The following NOP14 variants were observed in gnomAD, a reference collection of about 807,000 sequenced individuals.
The protein encoded by NOP14 is NOP14 nucleolar protein.
NOP14 carries 57 observed loss-of-function variants against 101.6 expected under a neutral mutation model. The observed-to-expected ratio is 0.56, with a 90% CI of 0.45 to 0.70. The LOEUF (loss-of-function observed/expected upper bound fraction) is 0.70, where lower values mean the gene tolerates loss of function less well. Ranked by LOEUF, NOP14 falls within the 30% of genes least tolerant of loss-of-function variation. NOP14 has a pLI of 0.00. For missense variants in NOP14, 1,134 were observed against 1,075.5 expected, an observed-to-expected ratio of 1.05 and a Z score of -0.76; for synonymous variants, 428 against 424.0, an observed-to-expected ratio of 1.01 and a Z score of -0.12.
At chr4:2,942,474 G>C in intron 13 of NOP14, 123 bp from the exon 14 acceptor site, 1 of 1,052,004 alleles carries the variant, frequency 9.5e-7, no homozygotes, top group Non-Finnish European at 1.4e-6. Context: ...TTATGTTTCT[G>C]GGTTGTGCCA....
chr4:2,943,827 G>A (rs1577825440), intron 13 of NOP14, among the ~76,000 whole-genome samples: 1 of 152,216 alleles, frequency 6.6e-6, no homozygotes, highest in Admixed American at 6.5e-5. Flanking sequence ...GTCACAGGTA[G>A]GGTACGTCTC....
chr4:2,955,447 G>C (rs1486953957), intron 3 of NOP14, among the ~76,000 whole-genome samples: 1 of 113,644 alleles, frequency 8.8e-6, no homozygotes, highest in Non-Finnish European at 1.8e-5. Flanking sequence ...CTAGTCACCT[G>C]CACCACAGCG....
intron 1 of NOP14, among the ~76,000 whole-genome samples, chr4:2,960,388 T>A (rs1715648805): frequency 6.6e-6 from 1 of 152,166 alleles, no homozygotes. Flanking sequence ...AAAATATTAG[T>A]TCTCATTATC....
At chr4:2,959,048 A>C (rs1215060277) in intron 1 of NOP14, among the ~76,000 whole-genome samples, 4 of 152,066 alleles carry the variant, frequency 2.6e-5, no homozygotes, top group Non-Finnish European at 5.9e-5. Flanking sequence ...ATGTGAAAAA[A>C]CCATTTCTCT....
Position 2,956,092 on chromosome 4 carries a change from G to A in NOP14, c.472+578C>T, listed in dbSNP as rs558084158. ...AATAGGGTTCAAGACAGTCAGACCC[G>A]AACTGAATCTTAAACTCTGTTAACA... is the stretch of plus-strand genomic sequence containing the variant. On this transcript the variant is annotated intron_variant, in intron 3 of 17. Transcript: ENST00000416614. Among the ~76,000 whole-genome samples the A allele has an allele frequency of 5.9e-5, 9 of 152,308 alleles. No homozygotes were observed. The East Asian group carries it at 9.6e-4, about 16-fold the overall frequency.
At chr4:2,942,011 G>A in intron 14 of NOP14, 181 bp downstream of exon 14, 1 of 656,542 alleles carries the variant, frequency 1.5e-6, no homozygotes, top group South Asian at 2.1e-5. Flanking sequence ...AATGTATTTT[G>A]AAAATGAAAA....
Position 2,939,590 on chromosome 4 carries a change from G to A in NOP14, c.2255C>T (p.Pro752Leu), listed in dbSNP as rs13106867. 8,807 of 1,613,932 alleles carry A rather than the reference G, an allele frequency of 5.5e-3. 50 individuals carry two copies. Among genetic ancestry groups the A allele is most frequent in the Middle Eastern group, 0.018 (111 of 6,062 alleles). ...EMESQKQLCR[P>L]LTCEKSKPVP... ...AGGCTTGCTCTTCTCACAGGTCAGC[G>A]GCCGGCAGAGCTGCTTCTGGCTTTC... The change falls in exon 16 of 18, where the codon CCG becomes CTG. Residue 752 changes from proline (P) to leucine (L), a missense_variant. Coordinates refer to ENST00000416614, the MANE Select transcript of NOP14 (RefSeq NM_001291978.2).
Position 2,947,552 on chromosome 4 carries a change from G to A in NOP14, c.1473C>T (p.Asp491=), listed in dbSNP as rs767697259. 3.1e-6 allele frequency: 5 copies of A among 1,613,710 alleles called. No individual in the cohort carries two copies. The African/African-American group carries it at 6.7e-5, about 22-fold the overall frequency. ...VGDLATDDPP[D]LTVIDKLVVH... ...CAACCAACTTATCAATGACTGTGAG[G>A]TCTGGTGGGTCATCTGTAGCCAAAT... Residue 491 remains aspartate, a synonymous_variant, in exon 10 of 18, where the codon GAC becomes GAT. Coordinates refer to ENST00000416614, the MANE Select transcript of NOP14 (RefSeq NM_001291978.2).
intron 10 of NOP14, chr4:2,947,126 C>T: frequency 7.6e-6 from 2 of 264,784 alleles, no homozygotes; most frequent in South Asian, 9.5e-5. Context: ...AAGAGGTACA[C>T]ACTCCCTGGC....
chr4:2,947,591 C>T lies in NOP14; in HGVS notation c.1434G>A (p.Leu478=). ...CTGTAGCCAAATCGCCAACGTATTCCAAAAGAAAGCCAAACAGTTTCTGCA... is the reference window on the plus strand; with the variant it reads ...CTGTAGCCAAATCGCCAACGTATTCTAAAAGAAAGCCAAACAGTTTCTGCA... ...AKLEKLFGFL[L]EYVGDLATDD... is the part of the protein sequence containing the mutation. The change falls in exon 10 of 18, where the codon TTG becomes TTA. Residue 478 remains leucine, a synonymous_variant. Transcript: ENST00000416614. 1 of 1,613,926 alleles carries T rather than the reference C, an allele frequency of 6.2e-7. No homozygotes were observed. Among genetic ancestry groups the T allele is most frequent in the Non-Finnish European group, 8.5e-7 (1 of 1,179,884 alleles).
rs1714939512 is a variant in NOP14, at chr4:2,950,322, C to T, written c.1003-109G>A. The T allele has an allele frequency of 2.9e-5, 34 of 1,177,214 alleles. No homozygotes were observed. In the South Asian group the frequency reaches 4.3e-4, roughly 15 times the overall value. The allele number at this position is 1,177,214 out of a possible 1,614,324, so 72.9% of individuals were successfully genotyped here. On this transcript the variant is annotated intron_variant, in intron 7 of 17. Transcript: ENST00000416614. ...CACATCAGGGCTTTCTACGTGGTTG[C>T]AAGGAACACAAACCTGTGTGCTCCA...
intron 3 of NOP14, among the ~76,000 whole-genome samples, chr4:2,955,495 A>G (rs1715292505): frequency 2.3e-5 from 3 of 131,702 alleles, no homozygotes; most frequent in Non-Finnish European, 4.8e-5. Flanking sequence ...CGCCCCCTCT[A>G]GTCACCTGCA....
intron 3 of NOP14, among the ~76,000 whole-genome samples, chr4:2,955,291 G>A (rs1411366617): frequency 1.2e-4 from 6 of 51,800 alleles, no homozygotes; most frequent in Non-Finnish European, 1.8e-4. Context: ...GCACCACAGC[G>A]CCCCCTCTAG....
At position 2,944,161 on chromosome 4, in the gene NOP14, A is replaced by T; in HGVS notation, c.1803T>A (p.Tyr601Ter). ...GLFVCCLFLE[Y>*]VALSQRFIPE... ...GTATAAACCTCTGGGACAAAGCCACATACTCCAGGAACAGGCAGCACACGA... is the reference window on the plus strand; with the variant it reads ...GTATAAACCTCTGGGACAAAGCCACTTACTCCAGGAACAGGCAGCACACGA... The change falls in exon 13 of 18, where the codon TAT (tyrosine) becomes TAA (stop). Residue 601 changes from tyrosine (Y) to a stop codon, truncating the protein, a stop_gained. Transcript: ENST00000416614. LOFTEE classifies it high-confidence loss of function. 1 of 1,614,078 alleles carries T rather than the reference A, an allele frequency of 6.2e-7. No homozygotes were observed. The highest frequency in any genetic ancestry group is 8.5e-7 in the Non-Finnish European group (1 of 1,179,934).
intron 8 of NOP14, among the ~76,000 whole-genome samples, chr4:2,949,063 C>CT (rs1714845091): frequency 6.6e-6 from 1 of 152,224 alleles, no homozygotes; most frequent in African/African-American, 2.4e-5. Context: ...GAAGGAGCCA[C>CT]TGTGAGCCAA....
At chr4:2,943,145 G>A (rs543100260) in intron 13 of NOP14, among the ~76,000 whole-genome samples, 4 of 152,240 alleles carry the variant, frequency 2.6e-5, no homozygotes, top group African/African-American at 7.2e-5. Flanking sequence ...GCCCAGCACC[G>A]AGCCTGACAG....
intron 15 of NOP14, 49 bp downstream of exon 15, chr4:2,941,533 G>T: frequency 3.8e-6 from 6 of 1,582,032 alleles, no homozygotes; most frequent in African/African-American, 2.7e-5. Context: ...CCCAGCTCAG[G>T]GACATGTCTG....
At chr4:2,941,775 C>A in intron 14 of NOP14, 46 bp from the exon 15 acceptor site, 1 of 1,588,622 alleles carries the variant, frequency 6.3e-7, no homozygotes. Flanking sequence ...TTCTGTTTGT[C>A]ACTGACAAAA....
chr4:2,948,963 G>A (rs1183212054), intron 8 of NOP14, among the ~76,000 whole-genome samples: 1 of 152,140 alleles, frequency 6.6e-6, no homozygotes, highest in East Asian at 1.9e-4. Flanking sequence ...ACCTTTCCTT[G>A]ATTAGGAATT....
Sources: allele counts gnomAD v4.1 joint callset (sites outside exome capture counted in the v4.1 genomes callset), GRCh38; gene constraint gnomAD v4.1.1; transcripts MANE v1.5; gene names NCBI Gene and HGNC (gene_info 2026-07-23, HGNC 2026-07-21).